The following DPYSL5 variants were observed in gnomAD, a reference collection of about 807,000 sequenced individuals.
DPYSL5 encodes dihydropyrimidinase like 5.
A neutral mutation model predicts 58.4 loss-of-function variants in DPYSL5; 9 were observed. That is an observed-to-expected ratio of 0.15 (90% CI 0.09 to 0.27). DPYSL5 has a LOEUF of 0.27. Among genes scored for constraint, DPYSL5 ranks in the 10% least tolerant of loss-of-function variants. The pLI is 1.00. For synonymous variants in DPYSL5, 293 were observed against 301.9 expected, an observed-to-expected ratio of 0.97 and a Z score of 0.31; for missense variants, 499 against 770.6, an observed-to-expected ratio of 0.65 and a Z score of 4.17.
chr2:26,932,212 G>GAAAGAAAGAAAGAAAGAAAGA (rs1665049854), intron 6 of DPYSL5, among the ~76,000 whole-genome samples: 17 of 58,470 alleles, frequency 2.9e-4, no homozygotes, highest in Non-Finnish European at 5.3e-4. Context: ...AGAAAGAAAA[G>GAAAGAAAGAAAGAAAGAAAGA]AAAGAAAGAA....
chr2:26,918,198 G>T (rs1305270266), intron 2 of DPYSL5, among the ~76,000 whole-genome samples: 1 of 149,606 alleles, frequency 6.7e-6, no homozygotes, highest in Non-Finnish European at 1.5e-5. Context: ...AGGGCCTTGT[G>T]CAGCTGCATG....
At chr2:26,910,873 T>A (rs1664422133) in intron 2 of DPYSL5, among the ~76,000 whole-genome samples, 2 of 152,104 alleles carry the variant, frequency 1.3e-5, no homozygotes, top group South Asian at 4.1e-4. Flanking sequence ...AGAGCAGTAG[T>A]TTTTAATTTT....
Position 26,948,036 on chromosome 2 carries a change from C to A in DPYSL5, c.*1041C>A. 1 of 155,158 alleles carries A rather than the reference C, an allele frequency of 6.4e-6. No individual in the cohort carries two copies. Among genetic ancestry groups the A allele is most frequent in the Non-Finnish European group, 1.4e-5 (1 of 70,584 alleles). 9.6% of individuals were successfully genotyped at this position (155,158 alleles called of 1,614,324 possible). ...TCCCCTCTCTGCCCCTGATCACTCC[C>A]AGCACTCCCCTTGCCTTCCCCTGTC... On this transcript the variant is annotated 3_prime_UTR_variant, in exon 13 of 13. Transcript: ENST00000288699.
chr2:26,879,888 TTTGTTG>T (rs113198755), intron 1 of DPYSL5, among the ~76,000 whole-genome samples: 1 of 151,534 alleles, frequency 6.6e-6, no homozygotes, highest in Non-Finnish European at 1.5e-5. Context: ...CTGCCACTCG[TTTGTTG>T]TTGTTGTTGT....
At chr2:26,878,218 T>A (rs1266309646) in intron 1 of DPYSL5, among the ~76,000 whole-genome samples, 2 of 152,258 alleles carry the variant, frequency 1.3e-5, no homozygotes, top group Non-Finnish European at 2.9e-5. Flanking sequence ...AATCTCATTG[T>A]TTTCATTTGC....
chr2:26,927,169 C>G lies in DPYSL5; in HGVS notation c.421-84C>G. ...GACTGAGCTGGGGCAGGCCCCACATCTCCCCCATGCTGGGCCGGTGCCTGC... is the reference window on the plus strand; with the variant it reads ...GACTGAGCTGGGGCAGGCCCCACATGTCCCCCATGCTGGGCCGGTGCCTGC... On this transcript the variant is annotated intron_variant, in intron 3 of 12. Transcript: ENST00000288699. The surrounding 1 kb of genome is among the most constrained non-coding windows in gnomAD (Gnocchi z 4.3). 2 of 1,416,914 alleles carry G rather than the reference C, an allele frequency of 1.4e-6. 1 individual carries two copies. The highest frequency in any genetic ancestry group is 2.7e-5 in the South Asian group (2 of 72,854). The allele number at this position is 1,416,914 out of a possible 1,614,324, so 87.8% of individuals were successfully genotyped here.
chr2:26,944,216 C>T lies in DPYSL5; in HGVS notation c.1441-440C>T, dbSNP rs939909758. The stretch of plus-strand genomic sequence containing the variant: ...AGGCAGGAGAATCACTTTGCGGGGG[C>T]GGAGGTTGCAGTGAGCCAAGATCGC... On this transcript the variant is annotated intron_variant, in intron 11 of 12. Coordinates refer to ENST00000288699, the MANE Select transcript of DPYSL5 (RefSeq NM_020134.4). The surrounding 1 kb of genome is among the most constrained non-coding windows in gnomAD (Gnocchi z 4.4). Among the ~76,000 whole-genome samples, 10 of 151,896 alleles carry T rather than the reference C, an allele frequency of 6.6e-5. No individual in the cohort carries two copies. Among genetic ancestry groups the T allele is most frequent in the Admixed American group, 5.2e-4 (8 of 15,244 alleles).
intron 1 of DPYSL5, among the ~76,000 whole-genome samples, chr2:26,895,963 A>C (rs1572693979): frequency 6.6e-6 from 1 of 151,546 alleles, no homozygotes; most frequent in African/African-American, 2.4e-5. Context: ...TATTTTTAGT[A>C]GAGACGGGGT....
chr2:26,909,941 T>C (rs1257694201), intron 2 of DPYSL5, among the ~76,000 whole-genome samples: 1 of 152,184 alleles, frequency 6.6e-6, no homozygotes, highest in African/African-American at 2.4e-5. Context: ...CATTTTGACA[T>C]ATACATACAT....
chr2:26,930,871 G>C (rs1384991274), intron 5 of DPYSL5, among the ~76,000 whole-genome samples: 2 of 151,810 alleles, frequency 1.3e-5, no homozygotes, highest in Non-Finnish European at 2.9e-5. Flanking sequence ...CTACGCGGGA[G>C]GCTGGGGCAG....
chr2:26,874,307 G>A (rs908247475), intron 1 of DPYSL5, among the ~76,000 whole-genome samples: 7 of 152,012 alleles, frequency 4.6e-5, no homozygotes, highest in African/African-American at 1.7e-4. Flanking sequence ...ATCTTTTAGG[G>A]TTCATGCTTT....
rs1011069254 is a variant in DPYSL5, at chr2:26,905,465, C to T, written c.261+6705C>T. 3.3e-5 allele frequency among the ~76,000 whole-genome samples: 5 copies of T among 152,186 alleles called. No individual in the cohort carries two copies. The highest frequency in any genetic ancestry group is 2.6e-4 in the Admixed American group (4 of 15,276). The stretch of plus-strand genomic sequence containing the variant: ...ACAATGAAATTGCTCCACTGTGCAC[C>T]GAGTGCCCATGCTACCTGTGTCCCT... On this transcript the variant is annotated intron_variant, in intron 2 of 12. Transcript: ENST00000288699. The surrounding 1 kb of genome is among the most constrained non-coding windows in gnomAD (Gnocchi z 4.0).
intron 1 of DPYSL5, among the ~76,000 whole-genome samples, chr2:26,876,997 C>T (rs1375041491): frequency 5.0e-5 from 7 of 139,960 alleles, no homozygotes; most frequent in East Asian, 4.2e-4. Context: ...AACGAAGTCT[C>T]GCTCTTGTCC....
At chr2:26,937,407 G>A (rs1665207616) in intron 8 of DPYSL5, among the ~76,000 whole-genome samples, 1 of 151,956 alleles carries the variant, frequency 6.6e-6, no homozygotes, top group Non-Finnish European at 1.5e-5. Flanking sequence ...AATATTTATA[G>A]AAATTTATGA....
At chr2:26,870,394 T>A (rs754322433) in intron 1 of DPYSL5, among the ~76,000 whole-genome samples, 1 of 152,246 alleles carries the variant, frequency 6.6e-6, no homozygotes, top group Non-Finnish European at 1.5e-5. Flanking sequence ...CCTTGGCTTA[T>A]GGAATAAACC....
In DPYSL5 at chr2:26,933,401, A is replaced by G; in HGVS notation, c.790+68A>G. On this transcript the variant is annotated intron_variant, in intron 7 of 12. Transcript: ENST00000288699. This position sits in a 1 kb window ranked among gnomAD's most constrained non-coding sequence, Gnocchi z 4.2. ...GGACTGGAGATGGATGGGGCCCATTAGCCGTGCTCACTCCTGGCCCCGGCT... is the reference window on the plus strand; with the variant it reads ...GGACTGGAGATGGATGGGGCCCATTGGCCGTGCTCACTCCTGGCCCCGGCT... 1.4e-6 allele frequency: 2 copies of G among 1,471,222 alleles called. No homozygotes were observed. Among genetic ancestry groups the G allele is most frequent in the Non-Finnish European group, 1.9e-6 (2 of 1,056,134 alleles). 91.1% of individuals were successfully genotyped at this position (1,471,222 alleles called of 1,614,324 possible).
chr2:26,913,639 A>T (rs931484973), intron 2 of DPYSL5, among the ~76,000 whole-genome samples: 1 of 152,190 alleles, frequency 6.6e-6, no homozygotes, highest in African/African-American at 2.4e-5. Flanking sequence ...TAAGATAATA[A>T]ATATTAACAA....
At chr2:26,941,186 T>G (rs983766816) in intron 9 of DPYSL5, among the ~76,000 whole-genome samples, 9 of 152,016 alleles carry the variant, frequency 5.9e-5, no homozygotes, top group Admixed American at 4.6e-4. Context: ...GATCCGCCCG[T>G]CTTGGCCTCC....
intron 1 of DPYSL5, among the ~76,000 whole-genome samples, chr2:26,848,715 A>G (rs1015045444): frequency 6.6e-5 from 10 of 151,934 alleles, no homozygotes; most frequent in Admixed American, 6.6e-4. Context: ...ACCCAGATAC[A>G]CACCCTCCGT....
Sources: gnomAD v4.1 joint callset for allele counts (sites outside exome capture counted in the v4.1 genomes callset) on GRCh38, gnomAD v4.1.1 for gene constraint, Gnocchi (gnomAD v3.1) non-coding constraint, MANE v1.5 for transcripts, NCBI Gene and HGNC (gene_info 2026-07-23, HGNC 2026-07-21) for gene names.